NSUN6: variants seen among roughly 807,000 people sequenced by gnomAD.
The protein encoded by NSUN6 is NOP2/Sun RNA methyltransferase 6, also known as tRNA (cytosine(72)-C(5))-methyltransferase NSUN6.
In NSUN6, 64 loss-of-function variants were observed where a neutral mutation model predicts 58.0. That is an observed-to-expected ratio of 1.10 (90% CI 0.90 to 1.36). The LOEUF (loss-of-function observed/expected upper bound fraction) is 1.36, where lower values mean the gene tolerates loss of function less well. Among genes scored for constraint, NSUN6 ranks in the 40% most tolerant of loss-of-function variants. The pLI is 0.00. For synonymous variants in NSUN6, 231 were observed against 193.9 expected (o/e 1.19, Z -1.59); for missense variants, 701 against 550.1 (o/e 1.27, Z -2.74).
Position 18,558,440 on chromosome 10 carries a change from G to A in NSUN6, c.923-6469C>T, listed in dbSNP as rs547850166. On this transcript the variant is annotated intron_variant, in intron 8 of 10. Coordinates refer to ENST00000377304, the MANE Select transcript of NSUN6 (RefSeq NM_182543.5). Reference sequence around the variant, plus strand: ...ATGGAATGTAATGGAATGGAGGATGGTGTGGAGAATGGAATAGAATGGAGA... The same window carrying A: ...ATGGAATGTAATGGAATGGAGGATGATGTGGAGAATGGAATAGAATGGAGA... Among the ~76,000 whole-genome samples the A allele has an allele frequency of 5.3e-5, 8 of 151,200 alleles. No individual in the cohort carries two copies. The South Asian group carries it at 1.7e-3, about 32-fold the overall frequency.
chr10:18,589,886 A>G (rs2057312466), intron 7 of NSUN6, among the ~76,000 whole-genome samples: 1 of 152,256 alleles, frequency 6.6e-6, no homozygotes, highest in Admixed American at 6.5e-5. Flanking sequence ...TCATGATGAC[A>G]GGATCAAATT....
chr10:18,652,667 C>G (rs2059730172), upstream of NSUN6: 3 of 712,034 alleles, frequency 4.2e-6, no homozygotes, highest in Non-Finnish European at 5.1e-6. Context: ...TCAAGAGATT[C>G]TCCTGCCTTG....
Position 18,591,765 on chromosome 10 carries a change from C to T in NSUN6, c.777+4443G>A, listed in dbSNP as rs143835892. Among the ~76,000 whole-genome samples the T allele has an allele frequency of 4.1e-3, 625 of 152,070 alleles. 5 individuals carry two copies. The highest frequency in any genetic ancestry group is 0.014 in the African/African-American group (568 of 41,492). ...GACAAACCCGTAGCCAACATCATAC[C>T]GAATGGGCAAAAGCTGGAAGCATTC... On this transcript the variant is annotated intron_variant, in intron 7 of 10. Transcript: ENST00000377304.
intron 6 of NSUN6, among the ~76,000 whole-genome samples, chr10:18,605,526 G>A (rs1437173068): frequency 6.6e-5 from 10 of 152,160 alleles, no homozygotes; most frequent in Admixed American, 3.9e-4. Context: ...TGAATTAGGA[G>A]CAGGATTTGA....
chr10:18,565,112 T>G (rs1389246502), intron 8 of NSUN6, among the ~76,000 whole-genome samples: 6 of 151,540 alleles, frequency 4.0e-5, no homozygotes, highest in African/African-American at 1.5e-4. Flanking sequence ...CCACGTTCCA[T>G]TCCATTCTCC....
intron 9 of NSUN6, among the ~76,000 whole-genome samples, chr10:18,551,242 A>AG (rs1277503267): frequency 1.6e-4 from 8 of 49,274 alleles, no homozygotes; most frequent in African/African-American, 5.3e-4. Flanking sequence ...AGGTCCTCTC[A>AG]GTTGTGTGTG....
At chr10:18,601,799 G>T (rs1655297026) in intron 6 of NSUN6, among the ~76,000 whole-genome samples, 1 of 151,818 alleles carries the variant, frequency 6.6e-6, no homozygotes, top group South Asian at 2.1e-4. Flanking sequence ...TGGCCAACAT[G>T]GTCCCCATCT....
chr10:18,604,833 C>G (rs1387876466), intron 6 of NSUN6, among the ~76,000 whole-genome samples: 1 of 151,002 alleles, frequency 6.6e-6, no homozygotes, highest in Non-Finnish European at 1.5e-5. Flanking sequence ...TTGCAGTGAG[C>G]CGAGATCGTG....
intron 6 of NSUN6, among the ~76,000 whole-genome samples, chr10:18,601,938 A>T (rs922617400): frequency 1.3e-5 from 2 of 149,666 alleles, no homozygotes; most frequent in Non-Finnish European, 3.0e-5. Flanking sequence ...GCACCACTGC[A>T]CTCCAGCCTG....
At chr10:18,626,424 G>C (rs758406939) in intron 3 of NSUN6, among the ~76,000 whole-genome samples, 12 of 152,028 alleles carry the variant, frequency 7.9e-5, no homozygotes, top group Non-Finnish European at 1.8e-4. Flanking sequence ...AAAATTTTAG[G>C]GAAAATTTAA....
chr10:18,564,983 T>A (rs2055820114), intron 8 of NSUN6, among the ~76,000 whole-genome samples: 1 of 151,428 alleles, frequency 6.6e-6, no homozygotes, highest in South Asian at 2.1e-4. Context: ...CTCCATTCCA[T>A]TCCATTCTCC....
intron 6 of NSUN6, among the ~76,000 whole-genome samples, chr10:18,603,991 G>A (rs2057951337): frequency 6.6e-6 from 1 of 151,954 alleles, no homozygotes; most frequent in African/African-American, 2.4e-5. Flanking sequence ...AGACCATCCT[G>A]GCCAACATGG....
chr10:18,590,545 T>C (rs556827168), intron 7 of NSUN6, among the ~76,000 whole-genome samples: 20 of 152,250 alleles, frequency 1.3e-4, no homozygotes, highest in African/African-American at 2.4e-4. Flanking sequence ...ATGGAAATCA[T>C]AACAAACAGT....
intron 7 of NSUN6, 95 bp downstream of exon 7, chr10:18,596,113 C>A (rs966946907): frequency 1.9e-6 from 2 of 1,040,166 alleles, no homozygotes; most frequent in African/African-American, 3.2e-5. Context: ...TGAATCTGAA[C>A]TAAATGAGAC....
intron 7 of NSUN6, among the ~76,000 whole-genome samples, chr10:18,593,740 GAAAAA>G (rs2057467128): frequency 6.6e-6 from 1 of 152,072 alleles, no homozygotes; most frequent in Non-Finnish European, 1.5e-5. Flanking sequence ...ATAGCATTAG[GAAAAA>G]TACCTAATGC....
At chr10:18,618,128 G>C (rs367977000) in intron 3 of NSUN6, among the ~76,000 whole-genome samples, 24 of 152,294 alleles carry the variant, frequency 1.6e-4, no homozygotes, top group African/African-American at 5.5e-4. Flanking sequence ...TTTTGTGGGC[G>C]TATCTCCTGA....
At chr10:18,589,138 G>A (rs1297353940) in intron 7 of NSUN6, among the ~76,000 whole-genome samples, 1 of 152,114 alleles carries the variant, frequency 6.6e-6, no homozygotes, top group Admixed American at 6.5e-5. Flanking sequence ...AGTATCAATA[G>A]ACAAATCGAT....
intron 8 of NSUN6, among the ~76,000 whole-genome samples, chr10:18,559,900 GGAATGGAATGGA>G (rs1313618811): frequency 6.7e-6 from 1 of 149,302 alleles, no homozygotes; most frequent in Non-Finnish European, 1.5e-5. Context: ...AAAGGGGAAT[GGAATGGAATGGA>G]GAATGGATTG....
intron 3 of NSUN6, among the ~76,000 whole-genome samples, chr10:18,635,956 T>C (rs550263110): frequency 1.3e-5 from 2 of 150,230 alleles, no homozygotes; most frequent in East Asian, 4.0e-4. Context: ...ATTCCACAGA[T>C]CTCCAAGCAG....
Sources: gnomAD v4.1 joint callset for allele counts (sites outside exome capture counted in the v4.1 genomes callset) on GRCh38, gnomAD v4.1.1 for gene constraint, MANE v1.5 for transcripts, NCBI Gene and HGNC (gene_info 2026-07-23, HGNC 2026-07-21) for gene names.